Variants in CFAP44 observed in about 807,000 individuals in gnomAD.
The protein encoded by CFAP44 is cilia- and flagella-associated protein 44.
In CFAP44, 134 loss-of-function variants were observed where a neutral mutation model predicts 216.2. The observed-to-expected ratio is 0.62, with a 90% CI of 0.54 to 0.72. CFAP44 has a LOEUF of 0.72. Among genes scored for constraint, CFAP44 ranks in the 30% least tolerant of loss-of-function variants. The pLI, the probability that CFAP44 is intolerant of heterozygous loss-of-function variation, is 0.00. For missense variants in CFAP44, 2,035 were observed against 2,182.1 expected (o/e 0.93, Z 1.34); for synonymous variants, 700 against 727.6 (o/e 0.96, Z 0.61).
chr3:113,303,854 C>T (rs1038991692), intron 32 of CFAP44, 62 bp downstream of exon 32: 1 of 1,506,878 alleles, frequency 6.6e-7, no homozygotes, highest in Non-Finnish European at 8.9e-7. Flanking sequence ...AGACAGTCAC[C>T]TGGATAATTC....
intron 18 of CFAP44, among the ~76,000 whole-genome samples, chr3:113,372,891 T>C (rs775961449): frequency 2.0e-5 from 3 of 152,160 alleles, no homozygotes; most frequent in Non-Finnish European, 4.4e-5. Context: ...AACTCTAGCC[T>C]CCAGAACTGT....
chr3:113,294,058 AAAG>A (rs1479354320), intron 34 of CFAP44: 1 of 456,698 alleles, frequency 2.2e-6, no homozygotes, highest in South Asian at 1.5e-5. Context: ...AATATAAAGC[AAAG>A]AAGACCAAGA....
chr3:113,305,923 T>C (rs1365708167), intron 30 of CFAP44, among the ~76,000 whole-genome samples: 1 of 152,214 alleles, frequency 6.6e-6, no homozygotes, highest in African/African-American at 2.4e-5. Flanking sequence ...TATAAATACA[T>C]ATACATTTAT....
In CFAP44 at chr3:113,361,873, A is replaced by G. The variant is rs75523589; in HGVS notation, c.2934+1272T>C. ...TGACCACAATTTTTTTTTACCAGAA[A>G]ACAAACACCAATTTTATTAATATAA... On this transcript the variant is annotated intron_variant, in intron 21 of 34. Transcript: ENST00000393845. 9.2e-5 allele frequency among the ~76,000 whole-genome samples: 14 copies of G among 151,978 alleles called. No homozygotes were observed. In the East Asian group the frequency reaches 2.7e-3, roughly 29 times the overall value.
intron 28 of CFAP44, among the ~76,000 whole-genome samples, chr3:113,311,603 T>C (rs1950038911): frequency 6.6e-6 from 1 of 152,066 alleles, no homozygotes; most frequent in African/African-American, 2.4e-5. Flanking sequence ...TTATCAGCAG[T>C]GTGAAAATGG....
Position 113,363,249 on chromosome 3 carries a change from T to C in CFAP44, c.2830A>G (p.Ile944Val), listed in dbSNP as rs1214166536. 2 of 1,613,134 alleles carry C rather than the reference T, an allele frequency of 1.2e-6. No homozygotes were observed. The highest frequency in any genetic ancestry group is 1.7e-6 in the Non-Finnish European group (2 of 1,179,774). The change falls in exon 21 of 35, where the codon ATA (isoleucine) becomes GTA (valine). Residue 944 changes from isoleucine (I) to valine (V), a missense_variant. Around this residue, in one of 3 missense-constraint regions of CFAP44, gnomAD observed 1,883 missense variants for 2,023.7 expected, o/e 0.93. Transcript: ENST00000393845. ...ATTTGCTCTCTCTTCCGTGCCTTTA[T>C]TTCTCCCACTTCTTTCATTAACTTG... ...HDKLMKEVGEIKARKREQIKA... is the reference protein window; with the variant it reads ...HDKLMKEVGEVKARKREQIKA...
rs776148004 is a variant in CFAP44 at position 113,409,146 on chromosome 3, T to C, written c.850A>G (p.Lys284Glu). 6.2e-7 allele frequency: 1 copy of C among 1,614,078 alleles called. No homozygotes were observed. The highest frequency in any genetic ancestry group is 8.5e-7 in the Non-Finnish European group (1 of 1,180,002). ...EVFKVTFNPD[K>E]EEQLTTSGSG... ...CCCGATGTAGTAAGCTGCTCTTCCT[T>C]ATCAGGATTGAAAGTAACCTTAAAA... Residue 284 changes from lysine (K) to glutamate (E), a missense_variant, in exon 7 of 35, where the codon AAG becomes GAG. By Grantham distance (56) the Lys-to-Glu change is moderately conservative. Transcript: ENST00000393845.
intron 2 of CFAP44, 73 bp downstream of exon 2, chr3:113,433,492 C>A: frequency 1.2e-5 from 5 of 434,066 alleles, no homozygotes; most frequent in Non-Finnish European, 1.7e-5. Flanking sequence ...TTCCATTCTA[C>A]TATAAAAATT....
In CFAP44 at chr3:113,308,166, C is replaced by T. The variant is rs1950004288; in HGVS notation, c.4619G>A (p.Cys1540Tyr). The T allele has an allele frequency of 2.6e-6, 4 of 1,532,464 alleles. No individual in the cohort carries two copies. The highest frequency in any genetic ancestry group is 2.6e-6 in the Non-Finnish European group (3 of 1,145,514). The allele number at this position is 1,532,464 out of a possible 1,614,324, so 94.9% of individuals were successfully genotyped here. A position where few individuals can be genotyped will look rare whatever the true frequency, so the allele number is the denominator to read the frequency against. ...SEDEVFDDSI[C>Y]PTNCDVALFE... ...GGTTTTATCTAACTTACTTGTTGGG[C>T]AAATAGAATCATCAAAAACCTCATC... The change falls in exon 29 of 35, where the codon TGC (cysteine) becomes TAC (tyrosine). Residue 1540 changes from cysteine (C) to tyrosine (Y), a missense_variant. This residue lies in a region of CFAP44 where 1,883 missense variants were observed against 2,023.7 expected (regional missense o/e 0.93). Transcript: ENST00000393845.
chr3:113,355,411 T>C (rs1009361633), intron 22 of CFAP44, among the ~76,000 whole-genome samples: 14 of 152,046 alleles, frequency 9.2e-5, no homozygotes, highest in African/African-American at 2.9e-4. Context: ...ATCCCAGCTA[T>C]TCAGGAGGCT....
chr3:113,370,482 CAT>C (rs1176152908), intron 18 of CFAP44, among the ~76,000 whole-genome samples: 2 of 152,208 alleles, frequency 1.3e-5, no homozygotes, highest in African/African-American at 4.8e-5. Flanking sequence ...ACAAAAATCA[CAT>C]GATTATCTCA....
chr3:113,357,260 C>T (rs981523942), intron 22 of CFAP44, among the ~76,000 whole-genome samples: 1 of 152,078 alleles, frequency 6.6e-6, no homozygotes. Context: ...ATGTTGAGGC[C>T]CTAACCCCCA....
At chr3:113,435,735 T>TAAAAA (rs11434499) in intron 1 of CFAP44, among the ~76,000 whole-genome samples, 1 of 141,088 alleles carries the variant, frequency 7.1e-6, no homozygotes, top group Non-Finnish European at 1.5e-5. Flanking sequence ...CTTCTAAAAT[T>TAAAAA]AAAAAAAAAA....
intron 24 of CFAP44, among the ~76,000 whole-genome samples, chr3:113,336,379 C>A (rs1014176006): frequency 6.6e-6 from 1 of 151,674 alleles, no homozygotes; most frequent in African/African-American, 2.4e-5. Context: ...AAACAGAGGG[C>A]ATCAAAACAG....
intron 22 of CFAP44, among the ~76,000 whole-genome samples, chr3:113,346,019 T>C (rs76993299): frequency 5.3e-5 from 8 of 152,314 alleles, no homozygotes; most frequent in African/African-American, 1.9e-4. Flanking sequence ...CAGATTAACA[T>C]TGAGAAGTGA....
intron 32 of CFAP44, among the ~76,000 whole-genome samples, chr3:113,297,375 A>C (rs1949891774): frequency 6.6e-6 from 1 of 151,086 alleles, no homozygotes; most frequent in African/African-American, 2.4e-5. Context: ...TTACCACCCT[A>C]CTCTAGACAC....
intron 2 of CFAP44, among the ~76,000 whole-genome samples, chr3:113,430,355 T>C (rs1370470849): frequency 1.4e-5 from 2 of 142,218 alleles, no homozygotes; most frequent in African/African-American, 5.3e-5. Flanking sequence ...TTTCAATACA[T>C]ATGTAAGAAA....
chr3:113,358,606 A>G, intron 22 of CFAP44, 139 bp downstream of exon 22: 1 of 1,118,076 alleles, frequency 8.9e-7, no homozygotes. Context: ...TAGCAGTGAC[A>G]AGAGGATTCC....
At chr3:113,392,777 A>G (rs1004202849) in intron 15 of CFAP44, among the ~76,000 whole-genome samples, 1 of 152,232 alleles carries the variant, frequency 6.6e-6, no homozygotes, top group Non-Finnish European at 1.5e-5. Flanking sequence ...AATGAAGTCC[A>G]AGAATAATAC....
Sources: gnomAD v4.1 joint callset for allele counts (sites outside exome capture counted in the v4.1 genomes callset) on GRCh38, gnomAD v4.1.1 for gene constraint, gnomAD v4.1.1 regional missense constraint, MANE v1.5 for transcripts, NCBI Gene and HGNC (gene_info 2026-07-23, HGNC 2026-07-21) for gene names.